The following CIT variants were observed in gnomAD, a reference collection of about 807,000 sequenced individuals.
The protein encoded by CIT is citron rho-interacting serine/threonine kinase.
CIT carries 79 observed loss-of-function variants against 272.7 expected under a neutral mutation model. The observed-to-expected ratio is 0.29, with a 90% CI of 0.24 to 0.35. CIT has a LOEUF of 0.35. Ranked by LOEUF, CIT falls within the 10% of genes least tolerant of loss-of-function variation. The probability of loss-of-function intolerance (pLI) is 1.00; values close to 1 mark genes in which losing one functional copy is unlikely to be tolerated. For missense variants in CIT, 1,909 were observed against 2,618.3 expected, an observed-to-expected ratio of 0.73 and a Z score of 5.91; for synonymous variants, 948 against 995.6, an observed-to-expected ratio of 0.95 and a Z score of 0.90.
In CIT at chr12:119,850,269, A is replaced by C. The variant is rs756537351; in HGVS notation, c.421T>G (p.Phe141Val). ...KALLAQEQVS[F>V]FEEERNILSR... ...AATATGTTCCGCTCTTCCTCAAAAA[A>C]TGAAACCTAGGGAAAAAAGAAACTG... The change falls in exon 5 of 48, where the codon TTT (phenylalanine) becomes GTT (valine). Residue 141 changes from phenylalanine (F) to valine (V), a missense_variant. Coordinates refer to ENST00000392521, the MANE Select transcript of CIT (RefSeq NM_001206999.2). 6.2e-7 allele frequency: 1 copy of C among 1,610,670 alleles called. No individual in the cohort carries two copies. Among genetic ancestry groups the C allele is most frequent in the South Asian group, 1.1e-5 (1 of 90,950 alleles).
chr12:119,824,965 A>AT (rs980861922), intron 8 of CIT, among the ~76,000 whole-genome samples, 200 bp downstream of exon 8: 1 of 151,882 alleles, frequency 6.6e-6, no homozygotes, highest in Non-Finnish European at 1.5e-5. Context: ...CAACTGGCTA[A>AT]TTTTTTTGTA....
chr12:119,870,277 A>G lies in CIT; in HGVS notation c.97-1076T>C, dbSNP rs150443631. Among the ~76,000 whole-genome samples the G allele has an allele frequency of 7.8e-3, 1,192 of 152,244 alleles. 13 individuals are homozygous for G. Among genetic ancestry groups the G allele is most frequent in the African/African-American group, 0.027 (1,124 of 41,542 alleles). ...TAAGAAGCTTGTCAAGCGGCCAGACACGGTGGCTCACATCTGTAATCCCAG... is the reference window on the plus strand; with the variant it reads ...TAAGAAGCTTGTCAAGCGGCCAGACGCGGTGGCTCACATCTGTAATCCCAG... On this transcript the variant is annotated intron_variant, in intron 2 of 47. Coordinates refer to ENST00000392521, the MANE Select transcript of CIT (RefSeq NM_001206999.2).
chr12:119,710,559 G>A lies in CIT; in HGVS notation c.4916C>T (p.Thr1639Met), dbSNP rs773121506. The change falls in exon 38 of 48, where the codon ACG becomes ATG. Residue 1639 changes from threonine to methionine, a missense_variant. Thr to Met is a moderately conservative substitution (Grantham distance 81). Around this residue, in one of 8 missense-constraint regions of CIT, gnomAD observed 780 missense variants for 1,067.2 expected, o/e 0.73. Coordinates refer to ENST00000392521, the MANE Select transcript of CIT (RefSeq NM_001206999.2). The surrounding 1 kb of genome is among the most constrained non-coding windows in gnomAD (Gnocchi z 5.6). ...EGDDRLDMNCTLPFSDQVVLV... is the reference protein window; with the variant it reads ...EGDDRLDMNCMLPFSDQVVLV... The stretch of plus-strand genomic sequence containing the variant: ...CATTACCTGGTCACTGAAGGGCAGC[G>A]TGCAGTTCATGTCTAGACGGTCATC... 6 of 1,614,194 alleles carry A rather than the reference G, an allele frequency of 3.7e-6. No homozygotes were observed. The highest frequency in any genetic ancestry group is 2.2e-5 in the East Asian group (1 of 44,886).
intron 46 of CIT, among the ~76,000 whole-genome samples, chr12:119,692,622 A>G (rs1956016063): frequency 6.6e-6 from 1 of 152,254 alleles, no homozygotes; most frequent in Non-Finnish European, 1.5e-5. Flanking sequence ...GCATGACCAC[A>G]ACAGGGTTGA....
intron 23 of CIT, among the ~76,000 whole-genome samples, chr12:119,748,702 A>G (rs961411339): frequency 6.6e-6 from 1 of 152,258 alleles, no homozygotes; most frequent in African/African-American, 2.4e-5. Flanking sequence ...CACGCTATGC[A>G]GGGAGAAGGA....
chr12:119,845,302 G>A (rs1969715626), intron 5 of CIT, among the ~76,000 whole-genome samples: 1 of 151,946 alleles, frequency 6.6e-6, no homozygotes, highest in South Asian at 2.1e-4. Flanking sequence ...AATCCAAGAG[G>A]TACTCCGGGA....
chr12:119,776,942 C>T (rs896045836), intron 13 of CIT, 100 bp from the exon 14 acceptor site: 34 of 1,283,174 alleles, frequency 2.6e-5, no homozygotes, highest in Admixed American at 3.8e-5. Context: ...GGAAGATGCA[C>T]AGTGAAGAGA....
Position 119,786,152 on chromosome 12 carries a change from T to G in CIT, c.1296-1087A>C, listed in dbSNP as rs541489133. ...TACGATTTATTATCCTCATTTTATA[T>G]GAGGAAATTGAGGCCCAGAGAGGTT... On this transcript the variant is annotated intron_variant, in intron 10 of 47. Transcript: ENST00000392521. 3.3e-5 allele frequency among the ~76,000 whole-genome samples: 5 copies of G among 152,284 alleles called. No homozygotes were observed. In the East Asian group the frequency reaches 7.7e-4, roughly 24 times the overall value.
Position 119,713,220 on chromosome 12 carries a change from T to A in CIT, c.4562A>T (p.Asp1521Val), listed in dbSNP as rs1253232008. ...TAATTTACCTTCTCTGGCTTCATTG[T>A]CATAAATGAGGACTTTTGATCCCTC... The part of the protein sequence containing the change: ...VLEGSKVLIY[D>V]NEAREAGQRP... Residue 1521 changes from aspartate (D) to valine (V), a missense_variant, in exon 35 of 48, where the codon GAC becomes GTC. This residue lies in a region of CIT where 780 missense variants were observed against 1,067.2 expected (regional missense o/e 0.73). Transcript: ENST00000392521. The surrounding 1 kb of genome is among the most constrained non-coding windows in gnomAD (Gnocchi z 5.2). 6.2e-7 allele frequency: 1 copy of A among 1,613,768 alleles called. No individual in the cohort carries two copies.
intron 3 of CIT, among the ~76,000 whole-genome samples, chr12:119,862,975 C>T (rs1307147429): frequency 2.0e-5 from 3 of 148,094 alleles, no homozygotes; most frequent in African/African-American, 5.0e-5. Flanking sequence ...AAAGACGAGG[C>T]CGGCGGATCA....
In CIT at chr12:119,712,248, C is replaced by A. The variant is rs745845994; in HGVS notation, c.4784G>T (p.Arg1595Leu). The A allele has an allele frequency of 1.9e-6, 3 of 1,614,004 alleles. No homozygotes were observed. In the African/African-American group the frequency reaches 4.0e-5, roughly 22 times the overall value. ...AACTGATTCTAAGGCGGTGACCCAG[C>A]GCTGTTTGTCAGGGAAGCTGGGAGC... ...LLAPSFPDKQRWVTALESVVA... is the reference protein window; with the variant it reads ...LLAPSFPDKQLWVTALESVVA... Residue 1595 changes from arginine (R) to leucine (L), a missense_variant, in exon 37 of 48, where the codon CGC becomes CTC. Coordinates refer to ENST00000392521, the MANE Select transcript of CIT (RefSeq NM_001206999.2). This position sits in a 1 kb window ranked among gnomAD's most constrained non-coding sequence, Gnocchi z 5.2.
chr12:119,772,742 G>C, intron 17 of CIT, 28 bp downstream of exon 17: 1 of 1,589,264 alleles, frequency 6.3e-7, no homozygotes. Flanking sequence ...GAGGCCGCTG[G>C]GGCCTGGGCT....
intron 20 of CIT, among the ~76,000 whole-genome samples, chr12:119,760,319 C>A (rs1324285381): frequency 6.6e-6 from 1 of 151,580 alleles, no homozygotes; most frequent in Non-Finnish European, 1.5e-5. Flanking sequence ...AGAAAAGAGA[C>A]AAACAGGCAA....
Position 119,847,040 on chromosome 12 carries a change from A to C in CIT, c.516+3134T>G, listed in dbSNP as rs1460388672. On this transcript the variant is annotated intron_variant, in intron 5 of 47. Transcript: ENST00000392521. ...CGCTCTGTCACCCAGGCTGGAGTGCACTGGCACAATCTGGGCTCACTGCAA... is the reference window on the plus strand; with the variant it reads ...CGCTCTGTCACCCAGGCTGGAGTGCCCTGGCACAATCTGGGCTCACTGCAA... Among the ~76,000 whole-genome samples, 6 of 151,524 alleles carry C rather than the reference A, an allele frequency of 4.0e-5. No homozygotes were observed. The East Asian group carries it at 9.7e-4, about 25-fold the overall frequency.
rs756240868 is a variant in CIT at position 119,760,935 on chromosome 12, C to T, written c.2421+4G>A. Reference sequence around the variant, plus strand: ...ACACTGGCTTGGCAACTCCTTCTACCTACCGCCTTCTGTTCGCTGAGAATT... The same window carrying T: ...ACACTGGCTTGGCAACTCCTTCTACTTACCGCCTTCTGTTCGCTGAGAATT... On this transcript the variant is annotated splice_donor_region_variant and intron_variant, in intron 20 of 47. Coordinates refer to ENST00000392521, the MANE Select transcript of CIT (RefSeq NM_001206999.2). 9 of 1,601,140 alleles carry T rather than the reference C, an allele frequency of 5.6e-6. 1 individual carries two copies. In the South Asian group the frequency reaches 6.6e-5, roughly 12 times the overall value.
intron 22 of CIT, among the ~76,000 whole-genome samples, chr12:119,755,327 C>T (rs1230735593): frequency 6.6e-6 from 1 of 152,182 alleles, no homozygotes; most frequent in African/African-American, 2.4e-5. Context: ...CCCTAAAAAA[C>T]ATGAGATAAC....
intron 23 of CIT, among the ~76,000 whole-genome samples, chr12:119,751,311 A>AT (rs1262740488): frequency 6.6e-6 from 1 of 152,028 alleles, no homozygotes; most frequent in African/African-American, 2.4e-5. Context: ...CACATATCAG[A>AT]TTTTTGTGAG....
intron 4 of CIT, among the ~76,000 whole-genome samples, chr12:119,855,760 C>T (rs573192262): frequency 3.3e-4 from 50 of 152,164 alleles, no homozygotes; most frequent in Non-Finnish European, 6.2e-4. Flanking sequence ...AGGCCATTCA[C>T]CTGGAGGAAG....
chr12:119,720,828 T>C (rs756021545), intron 29 of CIT, among the ~76,000 whole-genome samples: 1 of 152,224 alleles, frequency 6.6e-6, no homozygotes, highest in Non-Finnish European at 1.5e-5. Flanking sequence ...ATGGTCACTA[T>C]AGAAATCTTC....
Sources: allele counts gnomAD v4.1 joint callset (sites outside exome capture counted in the v4.1 genomes callset), GRCh38; gene constraint gnomAD v4.1.1; regional missense constraint gnomAD v4.1.1; non-coding constraint Gnocchi (gnomAD v3.1); transcripts MANE v1.5; gene names NCBI Gene and HGNC (gene_info 2026-07-23, HGNC 2026-07-21).